Variants in LPAR3 observed in about 807,000 individuals in gnomAD.
LPAR3 encodes the protein lysophosphatidic acid receptor 3.
In LPAR3, 7 loss-of-function variants were observed where a neutral mutation model predicts 17.8. That is an observed-to-expected ratio of 0.39 (90% CI 0.22 to 0.74). The LOEUF (loss-of-function observed/expected upper bound fraction) is 0.74. Ranked by LOEUF, LPAR3 falls within the 30% of genes least tolerant of loss-of-function variation. The pLI, the probability that LPAR3 is intolerant of heterozygous loss-of-function variation, is 0.40. For synonymous variants in LPAR3, 179 were observed against 179.9 expected (o/e 0.99, Z 0.04); for missense variants, 391 against 453.4 (o/e 0.86, Z 1.25).
chr1:84,864,085 G>C (rs1418415121), intron 2 of LPAR3, among the ~76,000 whole-genome samples: 1 of 151,968 alleles, frequency 6.6e-6, no homozygotes, highest in Non-Finnish European at 1.5e-5. Flanking sequence ...GGTGGCACAG[G>C]CCTGTAATCC....
rs1054298672 is a variant in LPAR3, at chr1:84,814,024, T to C, written c.884A>G (p.Tyr295Cys). The stretch of plus-strand genomic sequence containing the variant: ...GGTGCCATACATGTCCTCGTCCTTG[T>C]AGGAGTAGATGATGGGGTTCACGAC... ...NSVVNPIIYS[Y>C]KDEDMYGTMK... Residue 295 changes from tyrosine to cysteine, a missense_variant, in exon 3 of 3, where the codon TAC becomes TGC. Transcript: ENST00000370611. 6.2e-7 allele frequency: 1 copy of C among 1,614,070 alleles called. No homozygotes were observed. The highest frequency in any genetic ancestry group is 1.1e-5 in the South Asian group (1 of 91,068).
intron 2 of LPAR3, among the ~76,000 whole-genome samples, chr1:84,863,107 A>G (rs34005376): frequency 0.82 from 123,818 of 150,886 alleles, 51,164 homozygotes; most frequent in African/African-American, 0.95. Flanking sequence ...ACAGGCTCTT[A>G]CTCTGTTGTT....
At chr1:84,847,585 C>G (rs1383610168) in intron 2 of LPAR3, among the ~76,000 whole-genome samples, 1 of 152,202 alleles carries the variant, frequency 6.6e-6, no homozygotes, top group African/African-American at 2.4e-5. Context: ...TCTGAAGACC[C>G]CCCTGTCCTC....
intron 1 of LPAR3, among the ~76,000 whole-genome samples, chr1:84,871,533 G>A (rs928062063): frequency 6.6e-6 from 1 of 152,098 alleles, no homozygotes; most frequent in Admixed American, 6.6e-5. Context: ...AGTCAATACT[G>A]AGCATATCTT....
chr1:84,869,860 G>A (rs1375459121), intron 1 of LPAR3, among the ~76,000 whole-genome samples: 3 of 151,966 alleles, frequency 2.0e-5, no homozygotes, highest in African/African-American at 7.3e-5. Context: ...CACACTTCAG[G>A]GTTTTTCAGT....
chr1:84,816,312 GAGAGTTAA>G (rs1324511801), intron 2 of LPAR3, among the ~76,000 whole-genome samples: 2 of 152,182 alleles, frequency 1.3e-5, no homozygotes, highest in Non-Finnish European at 2.9e-5. Flanking sequence ...GAGTTTTATG[GAGAGTTAA>G]AAGCCACAGT....
chr1:84,833,133 G>A lies in LPAR3; in HGVS notation c.737-18962C>T, dbSNP rs563651439. ...ACACCCTAAGTTCAGTAATGGGAAC[G>A]TGGTATACCATCTCTCTTAAACTGT... On this transcript the variant is annotated intron_variant, in intron 2 of 2. Coordinates refer to ENST00000370611, the MANE Select transcript of LPAR3 (RefSeq NM_012152.3). Among the ~76,000 whole-genome samples the A allele has an allele frequency of 4.6e-5, 7 of 152,280 alleles. No individual in the cohort carries two copies. In the Middle Eastern group the frequency reaches 0.01, roughly 222 times the overall value.
intron 1 of LPAR3, among the ~76,000 whole-genome samples, chr1:84,867,207 C>G (rs879846814): frequency 3.2e-4 from 48 of 152,314 alleles, no homozygotes; most frequent in Admixed American, 2.9e-3. Context: ...TCTGTCTACA[C>G]GTGGTGGGGA....
At chr1:84,882,719 T>C (rs12075706) in intron 1 of LPAR3, among the ~76,000 whole-genome samples, 18,623 of 152,206 alleles carry the variant, frequency 0.12, 1,476 homozygotes, top group East Asian at 0.24. Context: ...GTGCCAAGAA[T>C]TCACAATGGA....
intron 2 of LPAR3, among the ~76,000 whole-genome samples, chr1:84,832,670 C>T (rs970497079): frequency 1.3e-5 from 2 of 152,130 alleles, no homozygotes; most frequent in African/African-American, 2.4e-5. Context: ...AGGCACCATC[C>T]CTTGGTGCCG....
intron 2 of LPAR3, among the ~76,000 whole-genome samples, chr1:84,833,718 C>T (rs939016392): frequency 6.6e-6 from 1 of 152,164 alleles, no homozygotes; most frequent in African/African-American, 2.4e-5. Flanking sequence ...TACCTCATTA[C>T]CTTATCTGTC....
chr1:84,878,821 A>C (rs779879878), intron 1 of LPAR3, among the ~76,000 whole-genome samples: 1 of 152,168 alleles, frequency 6.6e-6, no homozygotes, highest in Non-Finnish European at 1.5e-5. Context: ...TCCAAACTAC[A>C]CTGGCTAGGA....
At chr1:84,828,883 C>G (rs1659223966) in intron 2 of LPAR3, among the ~76,000 whole-genome samples, 1 of 152,162 alleles carries the variant, frequency 6.6e-6, no homozygotes, top group Non-Finnish European at 1.5e-5. Flanking sequence ...ACATTGCTGT[C>G]CAAGGACTTC....
intron 2 of LPAR3, among the ~76,000 whole-genome samples, chr1:84,858,311 A>C (rs946805244): frequency 2.0e-5 from 3 of 151,948 alleles, no homozygotes; most frequent in Non-Finnish European, 2.9e-5. Flanking sequence ...GCGAAACTCT[A>C]TCTCTACTAA....
intron 2 of LPAR3, among the ~76,000 whole-genome samples, chr1:84,821,244 G>C (rs1418721573): frequency 6.6e-6 from 1 of 151,974 alleles, no homozygotes; most frequent in Non-Finnish European, 1.5e-5. Context: ...ACGGAGGAGA[G>C]GGGGTGTTAA....
intron 1 of LPAR3, among the ~76,000 whole-genome samples, chr1:84,887,436 A>G (rs1414076271): frequency 6.6e-6 from 1 of 151,998 alleles, no homozygotes; most frequent in Admixed American, 6.6e-5. Flanking sequence ...ATTCAGGCAG[A>G]CGTCATCAAT....
chr1:84,818,298 T>C (rs749538954), intron 2 of LPAR3, among the ~76,000 whole-genome samples: 7 of 152,236 alleles, frequency 4.6e-5, no homozygotes, highest in African/African-American at 7.2e-5. Flanking sequence ...TATCGTATTA[T>C]GACAAAAAGC....
At chr1:84,814,314 A>G (rs945925404) in intron 2 of LPAR3, 143 bp from the exon 3 acceptor site, 5 of 650,004 alleles carry the variant, frequency 7.7e-6, no homozygotes, top group African/African-American at 1.8e-5. Context: ...TCCACCTACC[A>G]TCTGAGCATT....
chr1:84,829,152 ATTTTTTTTTTTTTT>A (rs56095946), intron 2 of LPAR3, among the ~76,000 whole-genome samples: 1 of 55,526 alleles, frequency 1.8e-5, no homozygotes, highest in African/African-American at 9.8e-5. Context: ...CCTCTCTGCA[ATTTTTTTTTTTTTT>A]TTTTTTTTTT....
Sources: allele counts gnomAD v4.1 joint callset (sites outside exome capture counted in the v4.1 genomes callset), GRCh38; gene constraint gnomAD v4.1.1; transcripts MANE v1.5; gene names NCBI Gene and HGNC (gene_info 2026-07-23, HGNC 2026-07-21).